SLC24A3: variants seen among roughly 807,000 people sequenced by gnomAD.
SLC24A3 encodes the protein solute carrier family 24 member 3.
SLC24A3 carries 28 observed loss-of-function variants against 75.8 expected under a neutral mutation model. The ratio of observed to expected loss-of-function variants is 0.37; its 90% CI spans 0.27 to 0.51. The LOEUF is 0.51. Among genes scored for constraint, SLC24A3 ranks in the 20% least tolerant of loss-of-function variants. The pLI is 0.94. For synonymous variants in SLC24A3, 372 were observed against 334.1 expected (o/e 1.11, Z -1.24); for missense variants, 663 against 847.8 (o/e 0.78, Z 2.71).
At chr20:19,663,071 G>A (rs116644265) in intron 7 of SLC24A3, among the ~76,000 whole-genome samples, 2,557 of 152,134 alleles carry the variant, frequency 0.017, 77 homozygotes, top group African/African-American at 0.058. Flanking sequence ...CCCTGCTTCT[G>A]TTTAGAGTTT....
intron 1 of SLC24A3, among the ~76,000 whole-genome samples, chr20:19,224,548 AT>A (rs544722341): frequency 6.6e-5 from 10 of 151,894 alleles, no homozygotes; most frequent in African/African-American, 1.2e-4. Context: ...TTTGATAATG[AT>A]TTTTTTTCTG....
chr20:19,515,377 C>CT (rs373801012), intron 2 of SLC24A3, 111 bp from the exon 3 acceptor site: 4 of 1,032,616 alleles, frequency 3.9e-6, no homozygotes, highest in African/African-American at 3.2e-5. Context: ...GATTCAGGAT[C>CT]TTTTTTTCAT....
At chr20:19,337,936 G>A (rs58790136) in intron 2 of SLC24A3, among the ~76,000 whole-genome samples, 3 of 152,100 alleles carry the variant, frequency 2.0e-5, no homozygotes, top group East Asian at 1.9e-4. Flanking sequence ...GGGTGGCACA[G>A]CATCACTTCC....
intron 6 of SLC24A3, among the ~76,000 whole-genome samples, chr20:19,638,348 A>G (rs184569209): frequency 2.0e-5 from 3 of 152,372 alleles, no homozygotes; most frequent in Admixed American, 2.0e-4. Context: ...AAAAGTGTAT[A>G]CCGCTGGGAC....
chr20:19,423,924 G>A (rs577617439), intron 2 of SLC24A3, among the ~76,000 whole-genome samples: 2 of 152,292 alleles, frequency 1.3e-5, no homozygotes, highest in African/African-American at 4.8e-5. Flanking sequence ...TAGGGGAGGG[G>A]TGTGCAGGAA....
intron 2 of SLC24A3, among the ~76,000 whole-genome samples, chr20:19,423,601 A>G (rs1986952718): frequency 2.6e-5 from 4 of 152,162 alleles, no homozygotes; most frequent in Admixed American, 2.0e-4. Flanking sequence ...TTGGTTTTCC[A>G]GAGCTCCATT....
At chr20:19,336,374 C>T (rs1985133750) in intron 2 of SLC24A3, among the ~76,000 whole-genome samples, 2 of 152,130 alleles carry the variant, frequency 1.3e-5, no homozygotes, top group African/African-American at 2.4e-5. Context: ...AGTTTTCTGA[C>T]TCCTGCCCTG....
At chr20:19,704,277 C>A (rs184296338) in intron 15 of SLC24A3, among the ~76,000 whole-genome samples, 1 of 152,170 alleles carries the variant, frequency 6.6e-6, no homozygotes, top group Non-Finnish European at 1.5e-5. Flanking sequence ...AGTAGGGGGG[C>A]AAGCACAACA....
chr20:19,344,672 G>A (rs1415382697), intron 2 of SLC24A3, among the ~76,000 whole-genome samples: 2 of 152,208 alleles, frequency 1.3e-5, no homozygotes, highest in Non-Finnish European at 2.9e-5. Flanking sequence ...TGAGAATACT[G>A]TGGAGCATTT....
intron 6 of SLC24A3, among the ~76,000 whole-genome samples, chr20:19,612,320 G>A (rs961985466): frequency 3.9e-5 from 6 of 152,146 alleles, no homozygotes; most frequent in East Asian, 1.9e-4. Flanking sequence ...ACTGCTAGAC[G>A]GGAGGAAGAA....
At chr20:19,349,518 G>A (rs1428431008) in intron 2 of SLC24A3, among the ~76,000 whole-genome samples, 2 of 152,220 alleles carry the variant, frequency 1.3e-5, no homozygotes, top group African/African-American at 4.8e-5. Flanking sequence ...CAGACCAGAA[G>A]TTCCAGGAGA....
At chr20:19,377,535 C>A (rs571304268) in intron 2 of SLC24A3, among the ~76,000 whole-genome samples, 10 of 152,230 alleles carry the variant, frequency 6.6e-5, no homozygotes, top group Admixed American at 3.9e-4. Flanking sequence ...GTGGCTGCAT[C>A]AGGGAACTTT....
chr20:19,353,119 A>T (rs1985606796), intron 2 of SLC24A3, among the ~76,000 whole-genome samples: 1 of 152,246 alleles, frequency 6.6e-6, no homozygotes, highest in Non-Finnish European at 1.5e-5. Flanking sequence ...AGGCTATACT[A>T]GCTAGGTTTG....
chr20:19,406,636 G>T (rs1195965301), intron 2 of SLC24A3, among the ~76,000 whole-genome samples: 1 of 152,112 alleles, frequency 6.6e-6, no homozygotes, highest in Non-Finnish European at 1.5e-5. Context: ...AGAAAAGTGG[G>T]GTGAGCTACA....
At chr20:19,276,114 G>T (rs1408563322) in intron 1 of SLC24A3, among the ~76,000 whole-genome samples, 1 of 152,198 alleles carries the variant, frequency 6.6e-6, no homozygotes, top group Admixed American at 6.5e-5. Flanking sequence ...AGGATAGCCA[G>T]TGTGGGCGCC....
intron 2 of SLC24A3, among the ~76,000 whole-genome samples, chr20:19,442,279 C>A (rs1024441431): frequency 4.6e-5 from 7 of 152,166 alleles, no homozygotes; most frequent in Non-Finnish European, 8.8e-5. Flanking sequence ...TTGTAATAAT[C>A]TGCTAAGCTA....
At chr20:19,326,361 A>G (rs566331398) in intron 2 of SLC24A3, among the ~76,000 whole-genome samples, 1 of 152,064 alleles carries the variant, frequency 6.6e-6, no homozygotes, top group Non-Finnish European at 1.5e-5. Context: ...GATGGGGACT[A>G]TGGGCTGGGA....
At chr20:19,276,946 C>T (rs1363508560) in intron 1 of SLC24A3, among the ~76,000 whole-genome samples, 1 of 152,004 alleles carries the variant, frequency 6.6e-6, no homozygotes, top group Non-Finnish European at 1.5e-5. Context: ...CCGACGCTGA[C>T]AGAAATGTCA....
intron 2 of SLC24A3, among the ~76,000 whole-genome samples, chr20:19,303,209 A>G (rs1236876662): frequency 6.6e-6 from 1 of 151,882 alleles, no homozygotes; most frequent in Non-Finnish European, 1.5e-5. Flanking sequence ...TCCTTTTAGT[A>G]TCCGTGTGTT....
Sources: gnomAD v4.1 joint callset for allele counts (sites outside exome capture counted in the v4.1 genomes callset) on GRCh38, gnomAD v4.1.1 for gene constraint, MANE v1.5 for transcripts, NCBI Gene and HGNC (gene_info 2026-07-23, HGNC 2026-07-21) for gene names.